Variants in GRK4 observed in about 807,000 individuals in gnomAD.
GRK4 encodes the protein G protein-coupled receptor kinase 4, also known as G protein-coupled receptor kinase 2-like.
A neutral mutation model predicts 77.9 loss-of-function variants in GRK4; 73 were observed. The observed-to-expected ratio is 0.94, with a 90% CI of 0.78 to 1.14. The LOEUF (loss-of-function observed/expected upper bound fraction) is 1.14. GRK4 is among the 50% of genes most tolerant of loss of function. GRK4 has a pLI of 0.00. For synonymous variants in GRK4, 257 were observed against 254.4 expected (o/e 1.01, Z -0.10); for missense variants, 729 against 700.2 (o/e 1.04, Z -0.46).
chr4:2,966,879 G>T (rs1420058233), intron 1 of GRK4: 1 of 152,190 alleles, frequency 6.6e-6, no homozygotes, highest in Non-Finnish European at 1.5e-5. Context: ...AATAGAATCA[G>T]TCAGTCTCAA....
At chr4:2,991,477 A>G (rs1021508526) in intron 3 of GRK4, among the ~76,000 whole-genome samples, 11 of 152,278 alleles carry the variant, frequency 7.2e-5, no homozygotes, top group South Asian at 4.1e-4. Context: ...CATTAATTGC[A>G]TGCCACACAG....
At chr4:3,005,370 G>A (rs1208400487) in intron 5 of GRK4, among the ~76,000 whole-genome samples, 17 of 151,862 alleles carry the variant, frequency 1.1e-4, no homozygotes, top group Non-Finnish European at 1.8e-4. Context: ...TAAAGAGAGG[G>A]AAGATGGGGT....
At chr4:3,024,146 C>G (rs980128614) in intron 10 of GRK4, among the ~76,000 whole-genome samples, 1 of 152,196 alleles carries the variant, frequency 6.6e-6, no homozygotes, top group African/African-American at 2.4e-5. Flanking sequence ...GCGCCACGAT[C>G]TGAAAGGCAC....
intron 15 of GRK4, among the ~76,000 whole-genome samples, chr4:3,040,211 T>C (rs2798304): frequency 0.59 from 89,044 of 151,900 alleles, 26,462 homozygotes; most frequent in South Asian, 0.73. Flanking sequence ...GAGGCTGAGG[T>C]GGGAGGATCA....
At chr4:3,008,785 A>G (rs1423662830) in intron 6 of GRK4, among the ~76,000 whole-genome samples, 1 of 150,186 alleles carries the variant, frequency 6.7e-6, no homozygotes, top group Non-Finnish European at 1.5e-5. Flanking sequence ...CCTGGGCAAC[A>G]CAGCAAGACT....
intron 12 of GRK4, among the ~76,000 whole-genome samples, chr4:3,033,041 C>A (rs528098717): frequency 3.3e-5 from 5 of 152,178 alleles, no homozygotes; most frequent in South Asian, 2.1e-4. Context: ...AGTCCTAGAT[C>A]AAGATGCCTG....
chr4:2,996,062 A>G (rs1393515325), intron 4 of GRK4, among the ~76,000 whole-genome samples: 6 of 151,892 alleles, frequency 4.0e-5, no homozygotes, highest in Non-Finnish European at 1.5e-5. Context: ...CATTCCTCAG[A>G]TAAAAACCTT....
In GRK4 at chr4:3,027,960, G is replaced by C; in HGVS notation, c.1019G>C (p.Gly340Ala). The change falls in exon 11 of 16, where the codon GGA becomes GCA. Residue 340 changes from glycine (G) to alanine (A), a missense_variant. Coordinates refer to ENST00000398052, the MANE Select transcript of GRK4 (RefSeq NM_182982.3). ...GGTTTGGCCACAGAGATCCCAGAAGGACAGAGGGTTCGAGGAAGAGTTGGA... is the reference window on the plus strand; with the variant it reads ...GGTTTGGCCACAGAGATCCCAGAAGCACAGAGGGTTCGAGGAAGAGTTGGA... The part of the protein sequence containing the change: ...DLGLATEIPE[G>A]QRVRGRVGTV... 6.2e-7 allele frequency: 1 copy of C among 1,614,148 alleles called. No individual in the cohort carries two copies. The highest frequency in any genetic ancestry group is 8.5e-7 in the Non-Finnish European group (1 of 1,180,024).
chr4:3,040,462 AAAAT>A (rs1410013149), intron 15 of GRK4, 106 bp from the exon 16 acceptor site: 12 of 730,090 alleles, frequency 1.6e-5, no homozygotes, highest in Non-Finnish European at 2.6e-5. Context: ...AAATAAATAA[AAAAT>A]AAAAAAGCAC....
At chr4:3,003,849 G>A (rs2109819316) in intron 4 of GRK4, among the ~76,000 whole-genome samples, 1 of 152,300 alleles carries the variant, frequency 6.6e-6, no homozygotes, top group South Asian at 2.1e-4. Flanking sequence ...TGATTCTCCT[G>A]CCTCAGCCTC....
At chr4:3,022,545 G>A in intron 10 of GRK4, 94 bp downstream of exon 10, 1 of 1,066,676 alleles carries the variant, frequency 9.4e-7, no homozygotes, top group East Asian at 2.4e-5. Flanking sequence ...TTAATGATTA[G>A]GAGAGAATGG....
At chr4:2,993,866 G>A (rs1204407893) in intron 4 of GRK4, among the ~76,000 whole-genome samples, 2 of 150,598 alleles carry the variant, frequency 1.3e-5, no homozygotes, top group Admixed American at 6.6e-5. Context: ...AATCGAACAT[G>A]TGGAGAATGG....
chr4:3,006,212 T>C (rs776511227), intron 5 of GRK4, among the ~76,000 whole-genome samples: 2 of 151,532 alleles, frequency 1.3e-5, no homozygotes, highest in African/African-American at 2.4e-5. Context: ...AAACCCTGTC[T>C]CTACTAAACA....
At chr4:2,990,014 T>C (rs1248338593) in intron 3 of GRK4, among the ~76,000 whole-genome samples, 2 of 152,202 alleles carry the variant, frequency 1.3e-5, no homozygotes, top group African/African-American at 4.8e-5. Context: ...AAATATGTAT[T>C]GAGTGCTTAT....
chr4:2,993,168 A>G (rs1376712571), intron 4 of GRK4, among the ~76,000 whole-genome samples: 1 of 152,230 alleles, frequency 6.6e-6, no homozygotes, highest in East Asian at 1.9e-4. Context: ...CTCTTGGACT[A>G]AAAATAACAT....
intron 8 of GRK4, among the ~76,000 whole-genome samples, chr4:3,014,468 T>C (rs1338195128): frequency 1.3e-5 from 2 of 151,924 alleles, no homozygotes; most frequent in Non-Finnish European, 2.9e-5. Context: ...AACTAGGTTT[T>C]AATTTTTTTA....
chr4:3,029,451 C>A, intron 12 of GRK4, 42 bp downstream of exon 12: 1 of 1,535,348 alleles, frequency 6.5e-7, no homozygotes, highest in Non-Finnish European at 9.0e-7. Flanking sequence ...GCACTTCTCA[C>A]TCATTCTAGT....
intron 5 of GRK4, among the ~76,000 whole-genome samples, chr4:3,005,912 G>A (rs1488466455): frequency 6.6e-6 from 1 of 152,132 alleles, no homozygotes; most frequent in East Asian, 1.9e-4. Context: ...TGGTTTAGAT[G>A]CTTATTCCTT....
chr4:2,995,344 T>C (rs1013594838), intron 4 of GRK4, among the ~76,000 whole-genome samples: 3 of 152,004 alleles, frequency 2.0e-5, no homozygotes, highest in Admixed American at 2.0e-4. Context: ...TGACCTAAAA[T>C]GAAGAAGCTG....
Sources: gnomAD v4.1 joint callset for allele counts (sites outside exome capture counted in the v4.1 genomes callset) on GRCh38, gnomAD v4.1.1 for gene constraint, MANE v1.5 for transcripts, NCBI Gene and HGNC (gene_info 2026-07-23, HGNC 2026-07-21) for gene names.